The following KIAA1755 variants were observed in gnomAD, a reference collection of about 807,000 sequenced individuals.
KIAA1755 encodes the protein KIAA1755, also known as uncharacterized protein KIAA1755.
Under a neutral mutation model 91.7 loss-of-function variants are expected in KIAA1755, and 68 were observed. That is an observed-to-expected ratio of 0.74 (90% CI 0.61 to 0.91). KIAA1755 has a LOEUF of 0.91. KIAA1755 is among the 40% of genes least tolerant of loss of function. The pLI is 0.00. For missense variants in KIAA1755, 1,535 were observed against 1,494.4 expected (o/e 1.03, Z -0.45); for synonymous variants, 610 against 604.6 (o/e 1.01, Z -0.13).
rs140875990 is a variant in KIAA1755 at position 38,213,196 on chromosome 20, C to T, written c.3449G>A (p.Arg1150His). 7.4e-5 allele frequency: 119 copies of T among 1,613,450 alleles called. No individual in the cohort carries two copies. Among genetic ancestry groups the T allele is most frequent in the East Asian group, 3.8e-4 (17 of 44,904 alleles). The change falls in exon 14 of 14, where the codon CGC becomes CAC. Residue 1150 changes from arginine to histidine, a missense_variant. Physicochemically the swap from Arg to His is conservative, Grantham distance 29. Transcript: ENST00000279024. ...KGSHKLPDPA[R>H]EHLLATTFFR... ...GAAGGTGGTGGCAAGCAAATGCTCG[C>T]GGGCAGGGTCAGGCAGCTTGTGGGA...
At chr20:38,222,417 G>A in intron 10 of KIAA1755, 32 bp downstream of exon 10, 7 of 1,601,976 alleles carry the variant, frequency 4.4e-6, no homozygotes, top group Non-Finnish European at 6.0e-6. Context: ...AAACAGGATG[G>A]GGTGGAAGAG....
intron 10 of KIAA1755, among the ~76,000 whole-genome samples, chr20:38,222,013 C>T (rs1427870714): frequency 2.0e-5 from 3 of 152,186 alleles, no homozygotes; most frequent in Non-Finnish European, 4.4e-5. Flanking sequence ...CCTTACCAGC[C>T]GCTGTCTAGC....
At chr20:38,250,410 GA>G (rs2076226174) in intron 1 of KIAA1755, among the ~76,000 whole-genome samples, 1 of 151,784 alleles carries the variant, frequency 6.6e-6, no homozygotes, top group Non-Finnish European at 1.5e-5. Context: ...CACAGGACTA[GA>G]ATTTAGTAGG....
intron 1 of KIAA1755, among the ~76,000 whole-genome samples, chr20:38,252,123 G>A (rs796347634): frequency 5.9e-5 from 9 of 152,194 alleles, no homozygotes; most frequent in African/African-American, 1.9e-4. Flanking sequence ...GCACATAGAT[G>A]GGATTCTGAT....
chr20:38,218,199 C>T (rs1403446690), intron 12 of KIAA1755, 45 bp downstream of exon 12: 2 of 1,612,738 alleles, frequency 1.2e-6, no homozygotes, highest in Non-Finnish European at 1.7e-6. Context: ...CTCTAACGCC[C>T]TCTCCATCTG....
chr20:38,253,089 C>A (rs567818376), intron 1 of KIAA1755, among the ~76,000 whole-genome samples: 2 of 152,326 alleles, frequency 1.3e-5, no homozygotes, highest in East Asian at 3.9e-4. Context: ...CCAGGCTGTT[C>A]CCAGGCAGGA....
In KIAA1755 at chr20:38,260,530, G is replaced by C. The variant is rs761513743; in HGVS notation, c.-30C>G. 1 of 1,482,494 alleles carries C rather than the reference G, an allele frequency of 6.7e-7. No homozygotes were observed. Among genetic ancestry groups the C allele is most frequent in the South Asian group, 1.4e-5 (1 of 69,826 alleles). The allele number at this position is 1,482,494 out of a possible 1,614,324, so 91.8% of individuals were successfully genotyped here. ...ACGGGCTGCCAGCGGCGGGCGGCGC[G>C]GCTCCTCTCCTGGGCGCGGGGTCTG... is the stretch of plus-strand genomic sequence containing the variant. On this transcript the variant is annotated 5_prime_UTR_variant, in exon 1 of 14. Transcript: ENST00000279024.
intron 13 of KIAA1755, among the ~76,000 whole-genome samples, chr20:38,216,310 G>A (rs1456091901): frequency 2.6e-5 from 4 of 152,184 alleles, no homozygotes; most frequent in African/African-American, 9.7e-5. Context: ...TGCCTCCCTT[G>A]CCCACTGTCC....
chr20:38,222,275 T>C (rs1416827733), intron 10 of KIAA1755, among the ~76,000 whole-genome samples, 174 bp downstream of exon 10: 1 of 152,232 alleles, frequency 6.6e-6, no homozygotes, highest in Non-Finnish European at 1.5e-5. Flanking sequence ...TTGCCAGGGC[T>C]CAGGGCAGGT....
At position 38,240,961 on chromosome 20, in the gene KIAA1755, A is replaced by T; in HGVS notation, c.1170T>A (p.Gly390=). ...TGGAGGCAGCTGGCTCTTGTGAGAC[A>T]CCTGCCCTGAGACCAGAGGCACAGT... ...ALDCASGLRA[G]VSQEPAASKM... The change falls in exon 3 of 14, where the codon GGT becomes GGA. Residue 390 remains glycine (G), a synonymous_variant. Transcript: ENST00000279024. The T allele has an allele frequency of 6.2e-7, 1 of 1,614,086 alleles. No individual in the cohort carries two copies. Among genetic ancestry groups the T allele is most frequent in the Non-Finnish European group, 8.5e-7 (1 of 1,180,024 alleles).
chr20:38,237,118 A>G (rs918432225), intron 4 of KIAA1755, among the ~76,000 whole-genome samples: 1 of 144,918 alleles, frequency 6.9e-6, no homozygotes, highest in South Asian at 2.2e-4. Flanking sequence ...GGTCTGACTG[A>G]GTAAGCAGAA....
rs1056076648 is a variant in KIAA1755 at position 38,260,631 on chromosome 20, G to A, written c.-131C>T. 6 of 1,149,322 alleles carry A rather than the reference G, an allele frequency of 5.2e-6. No homozygotes were observed. The highest frequency in any genetic ancestry group is 5.0e-5 in the South Asian group (2 of 40,118). The allele number at this position is 1,149,322 out of a possible 1,614,324, so 71.2% of individuals were successfully genotyped here. ...TGGAGCCAGGGGATAGGGCAGGCCCGGGGCACCGACCCCGGCGTCATCTCG... is the reference window on the plus strand; with the variant it reads ...TGGAGCCAGGGGATAGGGCAGGCCCAGGGCACCGACCCCGGCGTCATCTCG... On this transcript the variant is annotated 5_prime_UTR_variant, in exon 1 of 14. Coordinates refer to ENST00000279024, the MANE Select transcript of KIAA1755 (RefSeq NM_001029864.2).
In KIAA1755 at chr20:38,217,435, C is replaced by G; in HGVS notation, c.2719G>C (p.Ala907Pro). ...CCTCTGGCTGTAGCTCCCAGCTGAGCGGCCTGCTTGGACAGCTCCAGGCCT... is the reference window on the plus strand; with the variant it reads ...CCTCTGGCTGTAGCTCCCAGCTGAGGGGCCTGCTTGGACAGCTCCAGGCCT... ...RRGLELSKQA[A>P]QLGATARGAG... Residue 907 changes from alanine (A) to proline (P), a missense_variant, in exon 13 of 14, where the codon GCT becomes CCT. Physicochemically the swap from Ala to Pro is conservative, Grantham distance 27. Coordinates refer to ENST00000279024, the MANE Select transcript of KIAA1755 (RefSeq NM_001029864.2). The G allele has an allele frequency of 1.2e-6, 2 of 1,612,456 alleles. No homozygotes were observed. The highest frequency in any genetic ancestry group is 1.7e-5 in the Admixed American group (1 of 59,898).
chr20:38,235,662 A>G (rs1016601938), intron 4 of KIAA1755, among the ~76,000 whole-genome samples: 6 of 152,224 alleles, frequency 3.9e-5, no homozygotes, highest in African/African-American at 1.4e-4. Context: ...GAAAGAATGC[A>G]GCTCTGCAGA....
intron 1 of KIAA1755, among the ~76,000 whole-genome samples, chr20:38,252,606 G>C (rs1037403468): frequency 2.0e-5 from 3 of 152,174 alleles, no homozygotes; most frequent in African/African-American, 4.8e-5. Context: ...ACCACCAGCT[G>C]TGGGGACTGA....
In KIAA1755 at chr20:38,217,310, G is replaced by A. The variant is rs753922723; in HGVS notation, c.2844C>T (p.Ala948=). 16 of 1,609,614 alleles carry A rather than the reference G, an allele frequency of 9.9e-6. No individual in the cohort carries two copies. The highest frequency in any genetic ancestry group is 6.7e-5 in the African/African-American group (5 of 74,922). The part of the protein sequence containing the change: ...QAELTHFYMA[A]ERQRTDLETL... The stretch of plus-strand genomic sequence containing the variant: ...TCTCGAGGTCCGTGCGTTGCCGCTC[G>A]GCCGCCATGTAAAAGTGGGTCAGCT... The change falls in exon 13 of 14, where the codon GCC becomes GCT. Residue 948 remains alanine (A), a synonymous_variant. Transcript: ENST00000279024.
chr20:38,240,653 T>G lies in KIAA1755; in HGVS notation c.1478A>C (p.His493Pro). 1 of 1,534,452 alleles carries G rather than the reference T, an allele frequency of 6.5e-7. No individual in the cohort carries two copies. The highest frequency in any genetic ancestry group is 8.7e-7 in the Non-Finnish European group (1 of 1,143,024). The change falls in exon 3 of 14, where the codon CAC becomes CCC. Residue 493 changes from histidine to proline, a missense_variant. Coordinates refer to ENST00000279024, the MANE Select transcript of KIAA1755 (RefSeq NM_001029864.2). Reference protein sequence around the residue: ...SVTPEKASLQHNGPWKVLCSL... With the variant: ...SVTPEKASLQPNGPWKVLCSL... Reference sequence around the variant, plus strand: ...ACACAGGACTTTCCAGGGCCCATTGTGCTGGAGTGAGGCTTTCTCCGGGGT... The same window carrying G: ...ACACAGGACTTTCCAGGGCCCATTGGGCTGGAGTGAGGCTTTCTCCGGGGT...
At chr20:38,215,115 C>T (rs1328140311) in intron 13 of KIAA1755, among the ~76,000 whole-genome samples, 2 of 152,216 alleles carry the variant, frequency 1.3e-5, no homozygotes, top group Non-Finnish European at 1.5e-5. Flanking sequence ...TCTGTGTGTC[C>T]AGGACTTGAC....
At chr20:38,255,983 G>T (rs1269421517) in intron 1 of KIAA1755, among the ~76,000 whole-genome samples, 3 of 152,150 alleles carry the variant, frequency 2.0e-5, no homozygotes, top group Non-Finnish European at 2.9e-5. Flanking sequence ...ACTGTCTTGT[G>T]TGTTAGGCCC....
Sources: gnomAD v4.1 joint callset for allele counts (sites outside exome capture counted in the v4.1 genomes callset) on GRCh38, gnomAD v4.1.1 for gene constraint, MANE v1.5 for transcripts, NCBI Gene and HGNC (gene_info 2026-07-23, HGNC 2026-07-21) for gene names.